The following TMEM117 variants were observed in gnomAD, a reference collection of about 807,000 sequenced individuals.
The protein encoded by TMEM117 is transmembrane protein 117.
TMEM117 carries 27 observed loss-of-function variants against 52.4 expected under a neutral mutation model. That is an observed-to-expected ratio of 0.51 (90% CI 0.38 to 0.71). The LOEUF is 0.71. Ranked by LOEUF, TMEM117 falls within the 30% of genes least tolerant of loss-of-function variation. The probability of loss-of-function intolerance (pLI) is 0.00; values close to 1 mark genes in which losing one functional copy is unlikely to be tolerated. For synonymous variants in TMEM117, 215 were observed against 206.3 expected (o/e 1.04, Z -0.36); for missense variants, 556 against 630.5 (o/e 0.88, Z 1.26).
At chr12:44,153,070 A>G (rs1279297995) in intron 4 of TMEM117, among the ~76,000 whole-genome samples, 5 of 151,824 alleles carry the variant, frequency 3.3e-5, no homozygotes, top group African/African-American at 4.8e-5. Context: ...AAAGAAGCAC[A>G]TAGCTTCATA....
intron 3 of TMEM117, among the ~76,000 whole-genome samples, chr12:43,974,183 C>A (rs948857997): frequency 6.6e-6 from 1 of 152,144 alleles, no homozygotes; most frequent in African/African-American, 2.4e-5. Context: ...ATTTGTTTCA[C>A]TACCTATTTC....
At chr12:43,798,565 C>A in the TMEM117 span, 1 of 1,523,240 alleles carries the variant, frequency 6.6e-7, no homozygotes, top group Admixed American at 2.0e-5. Flanking sequence ...GAATGCATAC[C>A]CCAATATGAT....
intron 2 of TMEM117, among the ~76,000 whole-genome samples, chr12:43,864,694 C>G (rs1350414014): frequency 6.6e-6 from 1 of 152,140 alleles, no homozygotes; most frequent in South Asian, 2.1e-4. Context: ...CCAATCAGCT[C>G]TCTGTGAAAT....
intron 2 of TMEM117, among the ~76,000 whole-genome samples, chr12:43,897,238 C>T (rs1944220728): frequency 6.6e-6 from 1 of 151,836 alleles, no homozygotes; most frequent in Admixed American, 6.6e-5. Context: ...TTTCCTTGGA[C>T]TTTTGTGGTA....
chr12:43,845,061 A>G (rs1943178978), intron 2 of TMEM117, 133 bp downstream of exon 2: 2 of 1,019,740 alleles, frequency 2.0e-6, no homozygotes, highest in Non-Finnish European at 2.8e-6. Flanking sequence ...GTTGTTATGC[A>G]TGGTTGTAAC....
chr12:43,972,891 T>C (rs898820278), intron 3 of TMEM117, among the ~76,000 whole-genome samples: 3 of 152,204 alleles, frequency 2.0e-5, no homozygotes, highest in Non-Finnish European at 4.4e-5. Flanking sequence ...GCTTCACCTC[T>C]CATTTGCATA....
At chr12:44,026,926 A>G (rs979847139) in intron 3 of TMEM117, among the ~76,000 whole-genome samples, 3 of 151,776 alleles carry the variant, frequency 2.0e-5, no homozygotes, top group Middle Eastern at 3.2e-3. Flanking sequence ...GGTATTAATA[A>G]TCTATATTAT....
intron 3 of TMEM117, among the ~76,000 whole-genome samples, chr12:43,962,760 A>G (rs1471029499): frequency 6.6e-6 from 1 of 152,140 alleles, no homozygotes; most frequent in East Asian, 1.9e-4. Flanking sequence ...CTCTACTAAA[A>G]ATACGAAAAC....
chr12:44,264,154 AC>A (rs1161663648), intron 5 of TMEM117, among the ~76,000 whole-genome samples: 1 of 152,164 alleles, frequency 6.6e-6, no homozygotes, highest in Non-Finnish European at 1.5e-5. Context: ...TTAGGAGATA[AC>A]CTATTTTTTT....
At chr12:44,218,040 A>T (rs921610056) in intron 5 of TMEM117, among the ~76,000 whole-genome samples, 5 of 152,156 alleles carry the variant, frequency 3.3e-5, no homozygotes, top group African/African-American at 1.2e-4. Flanking sequence ...ACTGACCAAC[A>T]TGGTGAAACC....
intron 4 of TMEM117, among the ~76,000 whole-genome samples, chr12:44,208,529 C>T (rs1409158407): frequency 3.9e-5 from 6 of 152,108 alleles, no homozygotes; most frequent in Admixed American, 3.9e-4. Context: ...CCTTGACCAA[C>T]ACCAGAAATG....
chr12:43,966,593 G>A (rs1000370565), intron 3 of TMEM117, among the ~76,000 whole-genome samples: 4 of 152,086 alleles, frequency 2.6e-5, no homozygotes, highest in African/African-American at 7.2e-5. Flanking sequence ...TGCACACTGA[G>A]TTTTCATACT....
chr12:43,808,119 A>G, the TMEM117 span, among the ~76,000 whole-genome samples: 50 of 152,334 alleles, frequency 3.3e-4, no homozygotes, highest in Non-Finnish European at 5.6e-4. Flanking sequence ...ACCATTTGAA[A>G]ACAATGTATG....
At chr12:43,860,086 C>T (rs575809289) in intron 2 of TMEM117, among the ~76,000 whole-genome samples, 9 of 152,146 alleles carry the variant, frequency 5.9e-5, no homozygotes, top group Non-Finnish European at 8.8e-5. Flanking sequence ...AGTTTTGTTA[C>T]ATAGGTATAC....
rs564260404 is a variant in TMEM117 at position 44,267,212 on chromosome 12, G to A, written c.609-32368G>A. Among the ~76,000 whole-genome samples, 231 of 151,562 alleles carry A rather than the reference G, an allele frequency of 1.5e-3. 2 individuals are homozygous for A. Among genetic ancestry groups the A allele is most frequent in the African/African-American group, 5.1e-3 (212 of 41,320 alleles). On this transcript the variant is annotated intron_variant, in intron 5 of 7. Coordinates refer to ENST00000266534, the MANE Select transcript of TMEM117 (RefSeq NM_032256.3). The stretch of plus-strand genomic sequence containing the variant: ...TTTCAACTATGTTTTGTAATTTTCC[G>A]TGTATGGGCCTTGACTTATTATGTT...
intron 6 of TMEM117, chr12:44,376,306 G>A: frequency 2.7e-6 from 1 of 376,026 alleles, no homozygotes; most frequent in Non-Finnish European, 4.9e-6. Flanking sequence ...CAGTTCTCCA[G>A]AATGAAAGAG....
chr12:43,919,483 C>A (rs116965408), intron 2 of TMEM117, among the ~76,000 whole-genome samples: 2,093 of 152,264 alleles, frequency 0.014, 18 homozygotes, highest in Non-Finnish European at 0.021. Context: ...TTTATTAAGG[C>A]TGAATACTAT....
chr12:44,191,858 T>C (rs926174434), intron 4 of TMEM117, among the ~76,000 whole-genome samples: 15 of 152,130 alleles, frequency 9.9e-5, no homozygotes, highest in Non-Finnish European at 1.6e-4. Flanking sequence ...CTATAAGTAA[T>C]AGAATACATT....
chr12:44,374,648 GTGTGTGTA>G (rs1425401444), intron 6 of TMEM117, among the ~76,000 whole-genome samples: 2 of 150,334 alleles, frequency 1.3e-5, no homozygotes, highest in Non-Finnish European at 2.9e-5. Flanking sequence ...GTGTGTGTGT[GTGTGTGTA>G]TGTGTGTGTA....
Sources: gnomAD v4.1 joint callset for allele counts (sites outside exome capture counted in the v4.1 genomes callset) on GRCh38, gnomAD v4.1.1 for gene constraint, MANE v1.5 for transcripts, NCBI Gene and HGNC (gene_info 2026-07-23, HGNC 2026-07-21) for gene names.